The following SGCD variants were observed in gnomAD, a reference collection of about 807,000 sequenced individuals.
SGCD encodes the protein sarcoglycan delta.
In SGCD, 18 loss-of-function variants were observed where a neutral mutation model predicts 36.6. That is an observed-to-expected ratio of 0.49 (90% CI 0.34 to 0.73). SGCD has a LOEUF of 0.73. SGCD is among the 30% of genes least tolerant of loss of function. The probability of loss-of-function intolerance (pLI) is 0.01; values close to 1 mark genes in which losing one functional copy is unlikely to be tolerated. For synonymous variants in SGCD, 133 were observed against 130.6 expected, an observed-to-expected ratio of 1.02 and a Z score of -0.12; for missense variants, 387 against 346.7, an observed-to-expected ratio of 1.12 and a Z score of -0.92.
At chr5:156,347,468 G>T (rs565197981) in intron 3 of SGCD, among the ~76,000 whole-genome samples, 1 of 152,312 alleles carries the variant, frequency 6.6e-6, no homozygotes, top group Non-Finnish European at 1.5e-5. Context: ...CTTCTGGTTG[G>T]ATGTAGGGTT....
At chr5:156,532,120 AAAT>A (rs1271699447) in intron 4 of SGCD, among the ~76,000 whole-genome samples, 1 of 152,112 alleles carries the variant, frequency 6.6e-6, no homozygotes, top group Non-Finnish European at 1.5e-5. Flanking sequence ...CAAAAAATAA[AAAT>A]AAAAAAAGGT....
At chr5:156,007,495 C>A (rs900954299) in intron 1 of SGCD, among the ~76,000 whole-genome samples, 2 of 152,196 alleles carry the variant, frequency 1.3e-5, no homozygotes, top group Admixed American at 6.5e-5. Flanking sequence ...TGTCACAGAG[C>A]CTTGTTATTT....
At chr5:156,422,742 C>T (rs951670264) in intron 3 of SGCD, among the ~76,000 whole-genome samples, 8 of 152,014 alleles carry the variant, frequency 5.3e-5, no homozygotes, top group African/African-American at 1.9e-4. Context: ...CATCTGTAAC[C>T]TCTGTCCTGC....
At chr5:156,144,211 T>C (rs1002384087) in intron 3 of SGCD, among the ~76,000 whole-genome samples, 1 of 152,114 alleles carries the variant, frequency 6.6e-6, no homozygotes, top group Non-Finnish European at 1.5e-5. Flanking sequence ...TGTCCATGTG[T>C]CTTTATAGCA....
chr5:156,439,402 T>C lies in SGCD; in HGVS notation c.193-69199T>C, dbSNP rs549870559. Among the ~76,000 whole-genome samples the C allele has an allele frequency of 6.1e-4, 93 of 152,230 alleles. 1 individual carries two copies. Among genetic ancestry groups the C allele is most frequent in the African/African-American group, 2.2e-3 (90 of 41,544 alleles). On this transcript the variant is annotated intron_variant, in intron 3 of 8. Transcript: ENST00000337851. ...TTGACGACTCCTTCTTGGGGAAACT[T>C]AGTACTTAAGAGAAATGGATTGTTC...
chr5:156,138,833 T>C (rs1396324057), intron 3 of SGCD, among the ~76,000 whole-genome samples: 2 of 152,258 alleles, frequency 1.3e-5, no homozygotes, highest in Non-Finnish European at 2.9e-5. Context: ...TATTCTATTT[T>C]CTTGTCAATA....
At chr5:156,711,300 A>G (rs1482877414) in intron 7 of SGCD, among the ~76,000 whole-genome samples, 2 of 152,168 alleles carry the variant, frequency 1.3e-5, no homozygotes, top group African/African-American at 4.8e-5. Context: ...AGAATTTCCT[A>G]CTTTAGTAAC....
the SGCD span, among the ~76,000 whole-genome samples, chr5:155,761,613 ATCC>A: frequency 1.4e-5 from 2 of 142,138 alleles, no homozygotes; most frequent in African/African-American, 2.9e-5. Flanking sequence ...CCTCTCCATC[ATCC>A]TCATCATCAC....
intron 1 of SGCD, among the ~76,000 whole-genome samples, chr5:156,082,674 G>A (rs1441294718): frequency 1.3e-5 from 2 of 152,146 alleles, no homozygotes; most frequent in Non-Finnish European, 2.9e-5. Context: ...ACAATTACAA[G>A]TACAATGAAT....
intron 2 of SGCD, among the ~76,000 whole-genome samples, chr5:156,334,260 T>G (rs181191761): frequency 6.6e-6 from 1 of 152,290 alleles, no homozygotes; most frequent in East Asian, 1.9e-4. Context: ...AGTAGCTGGT[T>G]TGCTAAGAGT....
At chr5:155,748,123 C>CT in the SGCD span, among the ~76,000 whole-genome samples, 178 of 146,228 alleles carry the variant, frequency 1.2e-3, 1 homozygote, top group South Asian at 5.4e-3. Context: ...TCTTTTTTTT[C>CT]TTTTTTTTTT....
At chr5:155,746,056 G>A in the SGCD span, among the ~76,000 whole-genome samples, 2 of 152,120 alleles carry the variant, frequency 1.3e-5, no homozygotes, top group East Asian at 3.9e-4. Flanking sequence ...GTTTATAATA[G>A]CAAGAAAATG....
At chr5:155,877,794 G>A (rs1755797046) in intron 1 of SGCD, among the ~76,000 whole-genome samples, 1 of 152,000 alleles carries the variant, frequency 6.6e-6, no homozygotes, top group Non-Finnish European at 1.5e-5. Context: ...CCTGATAAGT[G>A]CAATAAAGTT....
chr5:156,096,623 T>C (rs908678339), intron 1 of SGCD, among the ~76,000 whole-genome samples: 1 of 152,134 alleles, frequency 6.6e-6, no homozygotes, highest in Non-Finnish European at 1.5e-5. Context: ...GAGAATTCTA[T>C]AGGTCCCTGG....
intron 3 of SGCD, among the ~76,000 whole-genome samples, chr5:156,252,940 C>T (rs1765620311): frequency 6.6e-6 from 1 of 152,152 alleles, no homozygotes; most frequent in African/African-American, 2.4e-5. Context: ...TGAGAAGTGT[C>T]TGGCAAAATC....
intron 3 of SGCD, among the ~76,000 whole-genome samples, chr5:156,150,618 T>C (rs1762810484): frequency 6.6e-6 from 1 of 151,710 alleles, no homozygotes; most frequent in Admixed American, 6.6e-5. Flanking sequence ...CTTTCTGTGA[T>C]AAGCGTGGAA....
In SGCD at chr5:156,487,813, A is replaced by AAAAAAAAAAAAAAAAAGAAAAAG. The variant is rs1554107842; in HGVS notation, c.193-20785_193-20784insAAAAAAAAAAAAAGAAAAAGAAA. ...CAAAAAAAAAAAAAAAAAAAAAAAA[A>AAAAAAAAAAAAAAAAAGAAAAAG]AAAGAAAGAAAGAAAAAGCTTAACA... On this transcript the variant is annotated intron_variant, in intron 3 of 8. Transcript: ENST00000337851. 2.1e-4 allele frequency among the ~76,000 whole-genome samples: 16 copies of AAAAAAAAAAAAAAAAAGAAAAAG among 77,814 alleles called. 2 individuals carry two copies. Among genetic ancestry groups the AAAAAAAAAAAAAAAAAGAAAAAG allele is most frequent in the East Asian group, 8.7e-4 (2 of 2,286 alleles). The allele number at this position is 77,814 out of a possible 152,430, so 51.0% of individuals were successfully genotyped here.
At chr5:156,200,749 A>G (rs1176418309) in intron 3 of SGCD, among the ~76,000 whole-genome samples, 1 of 152,178 alleles carries the variant, frequency 6.6e-6, no homozygotes, top group East Asian at 1.9e-4. Flanking sequence ...TATATATCGC[A>G]AAGAATTCAA....
intron 1 of SGCD, among the ~76,000 whole-genome samples, chr5:155,934,417 C>T (rs1213708239): frequency 2.0e-5 from 3 of 152,118 alleles, no homozygotes; most frequent in Non-Finnish European, 4.4e-5. Flanking sequence ...ACAAGAGTTC[C>T]CTCAAATCAA....
Sources: allele counts gnomAD v4.1 joint callset (sites outside exome capture counted in the v4.1 genomes callset), GRCh38; gene constraint gnomAD v4.1.1; transcripts MANE v1.5; gene names NCBI Gene and HGNC (gene_info 2026-07-23, HGNC 2026-07-21).